MUC5B: variants seen among roughly 807,000 people sequenced by gnomAD.
MUC5B encodes mucin-5B.
Under a neutral mutation model 376.9 loss-of-function variants are expected in MUC5B, and 116 were observed. The ratio of observed to expected loss-of-function variants is 0.31; its 90% CI spans 0.26 to 0.36. The LOEUF is 0.36. Among genes scored for constraint, MUC5B ranks in the 10% least tolerant of loss-of-function variants. The pLI is 1.00. For missense variants in MUC5B, 7,165 were observed against 7,769.9 expected, an observed-to-expected ratio of 0.92 and a Z score of 2.93; for synonymous variants, 3,517 against 3,390.9, an observed-to-expected ratio of 1.04 and a Z score of -1.29.
At position 1,262,103 on chromosome 11, in the gene MUC5B, G is replaced by A; in HGVS notation, c.*495G>A. 1.9e-6 allele frequency: 1 copy of A among 522,306 alleles called. No individual in the cohort carries two copies. Among genetic ancestry groups the A allele is most frequent in the Non-Finnish European group, 3.9e-6 (1 of 255,070 alleles). The allele number at this position is 522,306 out of a possible 1,614,324, so 32.4% of individuals were successfully genotyped here. On this transcript the variant is annotated 3_prime_UTR_variant, in exon 49 of 49. Coordinates refer to ENST00000529681, the MANE Select transcript of MUC5B (RefSeq NM_002458.3). ...AGGTCGCAACGGCCAGGTCAGAGAG[G>A]GGTCAGCATCCCAAAGCCCCCTCTG...
chr11:1,231,763 C>T (rs1292241790), intron 14 of MUC5B, among the ~76,000 whole-genome samples: 1 of 152,240 alleles, frequency 6.6e-6, no homozygotes, highest in Non-Finnish European at 1.5e-5. Flanking sequence ...GAGGATGGAG[C>T]GGGCAGCCCT....
rs1434374614 is a variant in MUC5B, at chr11:1,250,772, C to G, written c.13892C>G (p.Thr4631Arg). 2.5e-6 allele frequency: 4 copies of G among 1,613,110 alleles called. No homozygotes were observed. Among genetic ancestry groups the G allele is most frequent in the Non-Finnish European group, 3.4e-6 (4 of 1,179,490 alleles). ...TTTTPTTTTP[T>R]TSGSTVTPSS... The stretch of plus-strand genomic sequence containing the variant: ...ACCACACCCACAACCACCACACCCA[C>G]AACCAGTGGCTCCACGGTGACCCCC... The change falls in exon 31 of 49, where the codon ACA becomes AGA. Residue 4631 changes from threonine (T) to arginine (R), a missense_variant. By Grantham distance (71) the Thr-to-Arg change is moderately conservative. This residue lies in a region of MUC5B where 730 missense variants were observed against 592.7 expected (regional missense o/e 1.23). Transcript: ENST00000529681.
intron 39 of MUC5B, 45 bp downstream of exon 39, chr11:1,256,816 C>T: frequency 6.9e-7 from 1 of 1,447,550 alleles, no homozygotes; most frequent in East Asian, 2.6e-5. Context: ...GGGCCCGACC[C>T]AAGCACACAC....
chr11:1,231,456 T>G lies in MUC5B; in HGVS notation c.1574T>G (p.Phe525Cys). ...ACCCTGTTCACACCCTCGAGCTTCT[T>G]CATCGTGGTGCAGACAGGCCTGGGG... ...NITLFTPSSFFIVVQTGLGLQ... is the reference protein window; with the variant it reads ...NITLFTPSSFCIVVQTGLGLQ... The change falls in exon 14 of 49, where the codon TTC (phenylalanine) becomes TGC (cysteine). Residue 525 changes from phenylalanine (F) to cysteine (C), a missense_variant. Phe to Cys is a radical substitution (Grantham distance 205). Coordinates refer to ENST00000529681, the MANE Select transcript of MUC5B (RefSeq NM_002458.3). 6.2e-7 allele frequency: 1 copy of G among 1,612,074 alleles called. No homozygotes were observed. Among genetic ancestry groups the G allele is most frequent in the Non-Finnish European group, 8.5e-7 (1 of 1,179,548 alleles).
Position 1,230,507 on chromosome 11 carries a change from C to T in MUC5B, c.1377C>T (p.Ser459=). ...YVLSKKCADS[S]FTVLAELRKC... is the part of the protein sequence containing the mutation. The stretch of plus-strand genomic sequence containing the variant: ...CTCCCCAGAAATGTGCCGACAGCAG[C>T]TTCACCGTGCTGGCTGAGCTGCGGA... Residue 459 remains serine, a synonymous_variant, in exon 12 of 49, where the codon AGC becomes AGT. Coordinates refer to ENST00000529681, the MANE Select transcript of MUC5B (RefSeq NM_002458.3). The T allele has an allele frequency of 6.2e-7, 1 of 1,608,786 alleles. No homozygotes were observed. Among genetic ancestry groups the T allele is most frequent in the South Asian group, 1.1e-5 (1 of 90,414 alleles).
Position 1,250,019 on chromosome 11 carries a change from C to T in MUC5B, c.13139C>T (p.Ser4380Phe). The T allele has an allele frequency of 4.3e-6, 7 of 1,612,630 alleles. No individual in the cohort carries two copies. The highest frequency in any genetic ancestry group is 5.1e-6 in the Non-Finnish European group (6 of 1,179,156). The change falls in exon 31 of 49, where the codon TCC (serine) becomes TTC (phenylalanine). Residue 4380 changes from serine to phenylalanine, a missense_variant. Physicochemically the swap from Ser to Phe is radical, Grantham distance 155. Around this residue, in one of 31 missense-constraint regions of MUC5B, gnomAD observed 431 missense variants for 390.4 expected, o/e 1.10. Coordinates refer to ENST00000529681, the MANE Select transcript of MUC5B (RefSeq NM_002458.3). ...ACGACAAGGGCCACCAGTTCCACGT[C>T]CACCCCCTCCTCCACTCCGGGGACG... Reference protein sequence around the residue: ...ATTTRATSSTSTPSSTPGTTW... With the variant: ...ATTTRATSSTFTPSSTPGTTW...
Position 1,247,048 on chromosome 11 carries a change from C to G in MUC5B, c.10168C>G (p.Leu3390Val). The G allele has an allele frequency of 1.3e-6, 2 of 1,555,370 alleles. No individual in the cohort carries two copies. Among genetic ancestry groups the G allele is most frequent in the Admixed American group, 2.0e-5 (1 of 51,210 alleles). The stretch of plus-strand genomic sequence containing the variant: ...ACAGACCAGTGGTACTCCCCCATCA[C>G]TGACCACCACGGCCACTACGATCAC... ...STQTSGTPPSLTTTATTITAT... is the reference protein window; with the variant it reads ...STQTSGTPPSVTTTATTITAT... Residue 3390 changes from leucine to valine, a missense_variant, in exon 31 of 49, where the codon CTG becomes GTG. By Grantham distance (32) the Leu-to-Val change is conservative. Transcript: ENST00000529681.
chr11:1,235,139 C>T lies in MUC5B; in HGVS notation c.2685C>T (p.Cys895=), dbSNP rs371084373. 2.4e-5 allele frequency: 38 copies of T among 1,612,746 alleles called. 1 individual carries two copies. The highest frequency in any genetic ancestry group is 2.9e-5 in the Non-Finnish European group (34 of 1,179,676). Residue 895 remains cysteine (C), a synonymous_variant, in exon 22 of 49, where the codon TGC becomes TGT. Coordinates refer to ENST00000529681, the MANE Select transcript of MUC5B (RefSeq NM_002458.3). ...GCCACCGGCTCTGCCTGGGCACCTG[C>T]GTGGCCTACGGGGATGGCCACTTCA... is the stretch of plus-strand genomic sequence containing the variant. ...ECSHRLCLGT[C]VAYGDGHFIT...
In MUC5B at chr11:1,246,188, C is replaced by A; in HGVS notation, c.9308C>A (p.Thr3103Asn). Residue 3103 changes from threonine (T) to asparagine (N), a missense_variant, in exon 31 of 49, where the codon ACC (threonine) becomes AAC (asparagine). Physicochemically the swap from Thr to Asn is moderately conservative, Grantham distance 65 (BLOSUM62 0). Around this residue, in one of 31 missense-constraint regions of MUC5B, gnomAD observed 939 missense variants for 770.6 expected, o/e 1.22. Transcript: ENST00000529681. Reference protein sequence around the residue: ...TIHPSSTPETTHTSTVLTTKA... With the variant: ...TIHPSSTPETNHTSTVLTTKA... ...CACCCCTCCTCCACTCCGGAGACCA[C>A]CCACACCTCCACAGTGCTGACCACG... is the stretch of plus-strand genomic sequence containing the variant. The A allele has an allele frequency of 6.2e-7, 1 of 1,612,878 alleles. No individual in the cohort carries two copies. Among genetic ancestry groups the A allele is most frequent in the African/African-American group, 1.3e-5 (1 of 74,674 alleles).
At chr11:1,225,129 C>G (rs953082226) in intron 1 of MUC5B, among the ~76,000 whole-genome samples, 1 of 152,208 alleles carries the variant, frequency 6.6e-6, no homozygotes, top group African/African-American at 2.4e-5. Context: ...AGAGTCCTGC[C>G]CCCAGCCTGC....
At chr11:1,259,694 G>C in intron 44 of MUC5B, 62 bp from the exon 45 acceptor site, 1 of 1,567,432 alleles carries the variant, frequency 6.4e-7, no homozygotes, top group South Asian at 1.1e-5. Context: ...AGGAGGGCAG[G>C]CTGGGCCGGG....
At chr11:1,238,769 G>T (rs992719355) in intron 25 of MUC5B, 102 bp from the exon 26 acceptor site, 5 of 1,262,786 alleles carry the variant, frequency 4.0e-6, no homozygotes, top group Non-Finnish European at 4.4e-6. Flanking sequence ...GCCATGGGGG[G>T]TGTTGAAATA....
chr11:1,226,266 C>A lies in MUC5B; in HGVS notation c.189C>A (p.Pro63=). ...TTGTTCCACCCGTCACTGTCTTCCCCAGCCTGAGCCGTAAGCAGATGCTGC... is the reference window on the plus strand; with the variant it reads ...TTGTTCCACCCGTCACTGTCTTCCCAAGCCTGAGCCGTAAGCAGATGCTGC... ...VSFVPPVTVF[P]SLSPLNPAHN... Residue 63 remains proline (P), a synonymous_variant, in exon 3 of 49, where the codon CCC becomes CCA. Transcript: ENST00000529681. 1 of 1,555,556 alleles carries A rather than the reference C, an allele frequency of 6.4e-7. No homozygotes were observed. Among genetic ancestry groups the A allele is most frequent in the East Asian group, 2.4e-5 (1 of 41,130 alleles).
intron 26 of MUC5B, 198 bp downstream of exon 26, chr11:1,239,225 A>T: frequency 1.1e-6 from 1 of 906,114 alleles, no homozygotes; most frequent in Non-Finnish European, 1.7e-6. Context: ...TTGCCCCAGC[A>T]TGAGACAGCT....
Position 1,245,204 on chromosome 11 carries a change from C to T in MUC5B, c.8324C>T (p.Thr2775Ile), listed in dbSNP as rs1473938314. ...HTVRTAWTSA[T>I]SGTLGTTHIT... Reference sequence around the variant, plus strand: ...GTGCGCACAGCCTGGACTTCGGCCACCTCAGGCACCTTGGGCACCACCCAC... The same window carrying T: ...GTGCGCACAGCCTGGACTTCGGCCATCTCAGGCACCTTGGGCACCACCCAC... The change falls in exon 31 of 49, where the codon ACC becomes ATC. Residue 2775 changes from threonine (T) to isoleucine (I), a missense_variant. Physicochemically the swap from Thr to Ile is moderately conservative, Grantham distance 89 (BLOSUM62 -1). Coordinates refer to ENST00000529681, the MANE Select transcript of MUC5B (RefSeq NM_002458.3). 4.4e-6 allele frequency: 7 copies of T among 1,593,064 alleles called. No homozygotes were observed. Among genetic ancestry groups the T allele is most frequent in the African/African-American group, 2.8e-5 (2 of 72,272 alleles).
chr11:1,246,416 C>A lies in MUC5B; in HGVS notation c.9536C>A (p.Ser3179Tyr), dbSNP rs778058408. 1.7e-5 allele frequency: 28 copies of A among 1,613,448 alleles called. No individual in the cohort carries two copies. The highest frequency in any genetic ancestry group is 2.3e-5 in the Non-Finnish European group (27 of 1,179,774). ...TTATVTVPTG[S>Y]TATASSTRAT... ...GCCACCGTGACGGTGCCCACCGGATCCACGGCCACCGCCTCCTCCACCCGG... is the reference window on the plus strand; with the variant it reads ...GCCACCGTGACGGTGCCCACCGGATACACGGCCACCGCCTCCTCCACCCGG... Residue 3179 changes from serine (S) to tyrosine (Y), a missense_variant, in exon 31 of 49, where the codon TCC becomes TAC. By Grantham distance (144) the Ser-to-Tyr change is moderately radical. This residue lies in a region of MUC5B where 939 missense variants were observed against 770.6 expected (regional missense o/e 1.22). Coordinates refer to ENST00000529681, the MANE Select transcript of MUC5B (RefSeq NM_002458.3).
rs753537372 is a variant in MUC5B, at chr11:1,249,942, C to T, written c.13062C>T (p.Ser4354=). ...CCACCATGTCCACAATCCACCCCTC[C>T]TCCACTCCGGAGACCACCCACACCT... is the stretch of plus-strand genomic sequence containing the variant. ...PVATMSTIHP[S]STPETTHTST... is the part of the protein sequence containing the mutation. The change falls in exon 31 of 49, where the codon TCC becomes TCT. Residue 4354 remains serine (S), a synonymous_variant. Coordinates refer to ENST00000529681, the MANE Select transcript of MUC5B (RefSeq NM_002458.3). The T allele has an allele frequency of 8.7e-6, 14 of 1,612,536 alleles. No individual in the cohort carries two copies. Among genetic ancestry groups the T allele is most frequent in the Middle Eastern group, 1.6e-4 (1 of 6,080 alleles).
At position 1,246,022 on chromosome 11, in the gene MUC5B, G is replaced by A. The variant is rs149893138; in HGVS notation, c.9142G>A (p.Ala3048Thr). 5,826 of 1,612,422 alleles carry A rather than the reference G, an allele frequency of 3.6e-3. 244 individuals are homozygous for A. In the African/African-American group the frequency reaches 0.069, roughly 19 times the overall value. The stretch of plus-strand genomic sequence containing the variant: ...CACTTCCTCCTCCAGTCCAAGGACT[G>A]CAACCACCCTTCCAGTGCTGACAAG... ...KATSSSSPRT[A>T]TTLPVLTSTA... Residue 3048 changes from alanine (A) to threonine (T), a missense_variant, in exon 31 of 49, where the codon GCA becomes ACA. Transcript: ENST00000529681.
rs769313845 is a variant in MUC5B, at chr11:1,245,850, C to T, written c.8970C>T (p.Thr2990=). The change falls in exon 31 of 49, where the codon ACC becomes ACT. Residue 2990 remains threonine, a synonymous_variant. Coordinates refer to ENST00000529681, the MANE Select transcript of MUC5B (RefSeq NM_002458.3). ...TATPSSTPGT[T]WILTEQTTAA... ...CGCCCTCCTCCACTCCAGGGACGAC[C>T]TGGATCCTCACAGAGCAGACCACAG... 4.3e-6 allele frequency: 7 copies of T among 1,613,516 alleles called. No individual in the cohort carries two copies. The highest frequency in any genetic ancestry group is 1.7e-5 in the Admixed American group (1 of 60,004).
Sources: gnomAD v4.1 joint callset for allele counts (sites outside exome capture counted in the v4.1 genomes callset) on GRCh38, gnomAD v4.1.1 for gene constraint, gnomAD v4.1.1 regional missense constraint, MANE v1.5 for transcripts, NCBI Gene and HGNC (gene_info 2026-07-23, HGNC 2026-07-21) for gene names.